Variants in KHDRBS2 observed in about 807,000 individuals in gnomAD.
KHDRBS2 encodes KH domain-containing, RNA-binding, signal transduction-associated protein 2.
In KHDRBS2, 26 loss-of-function variants were observed where a neutral mutation model predicts 44.3. The ratio of observed to expected loss-of-function variants is 0.59; its 90% CI spans 0.43 to 0.81. The LOEUF is 0.81. KHDRBS2 is among the 40% of genes least tolerant of loss of function. The probability of loss-of-function intolerance (pLI) is 0.00; values close to 1 mark genes in which losing one functional copy is unlikely to be tolerated. For missense variants in KHDRBS2, 476 were observed against 433.1 expected, an observed-to-expected ratio of 1.10 and a Z score of -0.88; for synonymous variants, 194 against 151.1, an observed-to-expected ratio of 1.28 and a Z score of -2.08.
At chr6:62,262,266 G>A (rs1838472522) in intron 1 of KHDRBS2, among the ~76,000 whole-genome samples, 1 of 151,716 alleles carries the variant, frequency 6.6e-6, no homozygotes, top group African/African-American at 2.4e-5. Flanking sequence ...GGATAACTCT[G>A]GAAATACAAC....
intron 2 of KHDRBS2, among the ~76,000 whole-genome samples, chr6:62,069,238 T>C (rs1441947076): frequency 6.6e-6 from 1 of 151,702 alleles, no homozygotes; most frequent in Admixed American, 6.6e-5. Flanking sequence ...ACTTTGTATA[T>C]CATATGTGTT....
intron 2 of KHDRBS2, among the ~76,000 whole-genome samples, chr6:62,054,975 T>A (rs1319197761): frequency 6.6e-6 from 1 of 152,048 alleles, no homozygotes; most frequent in Non-Finnish European, 1.5e-5. Context: ...AATTAATTCC[T>A]ACATCATAAC....
rs1252519903 is a variant in KHDRBS2, at chr6:62,059,026, T to TATAA, written c.220-11036_220-11033dup. 3.3e-5 allele frequency among the ~76,000 whole-genome samples: 5 copies of TATAA among 151,570 alleles called. No homozygotes were observed. The East Asian group carries it at 9.8e-4, about 30-fold the overall frequency. ...TTAGGAAACATATGAAAGAACCAAA[T>TATAA]ATAAATACCTCTTTCAGAAAACTTA... On this transcript the variant is annotated intron_variant, in intron 2 of 8. Transcript: ENST00000281156.
intron 1 of KHDRBS2, among the ~76,000 whole-genome samples, chr6:62,276,703 T>C (rs1391097538): frequency 6.6e-6 from 1 of 152,192 alleles, no homozygotes; most frequent in Non-Finnish European, 1.5e-5. Context: ...TAATAATTCA[T>C]CCAATATTTG....
chr6:62,165,153 T>G (rs1410496504), intron 2 of KHDRBS2, among the ~76,000 whole-genome samples: 1 of 151,748 alleles, frequency 6.6e-6, no homozygotes, highest in Non-Finnish European at 1.5e-5. Context: ...CATTTACTTA[T>G]GGCTTCAGTC....
the KHDRBS2 span, among the ~76,000 whole-genome samples, chr6:61,662,765 G>A: frequency 6.6e-5 from 10 of 151,496 alleles, no homozygotes; most frequent in African/African-American, 2.4e-4. Flanking sequence ...TGCTGGAGAG[G>A]ATGTGGAGAA....
chr6:62,165,283 G>A (rs905471438), intron 2 of KHDRBS2, among the ~76,000 whole-genome samples: 5 of 143,514 alleles, frequency 3.5e-5, no homozygotes, highest in Admixed American at 1.4e-4. Context: ...ATTCATTGGC[G>A]CTTAATTTTA....
At chr6:61,574,613 A>T in the KHDRBS2 span, among the ~76,000 whole-genome samples, 1 of 152,114 alleles carries the variant, frequency 6.6e-6, no homozygotes, top group Non-Finnish European at 1.5e-5. Context: ...TGACTAACGG[A>T]ACAAGTTACC....
intron 1 of KHDRBS2, among the ~76,000 whole-genome samples, chr6:62,209,135 A>C (rs1159189522): frequency 1.3e-5 from 2 of 152,212 alleles, no homozygotes; most frequent in African/African-American, 4.8e-5. Flanking sequence ...ATTTATAAAG[A>C]GCTCCAACAA....
chr6:62,141,164 C>T lies in KHDRBS2; in HGVS notation c.219+36021G>A, dbSNP rs1812719627. The stretch of plus-strand genomic sequence containing the variant: ...ATGAACGTCAGAATAAACTTGATGA[C>T]TAATGGCAGTGTAAAAGTGAAGATG... On this transcript the variant is annotated intron_variant, in intron 2 of 8. Transcript: ENST00000281156. Among the ~76,000 whole-genome samples, 4 of 152,156 alleles carry T rather than the reference C, an allele frequency of 2.6e-5. No homozygotes were observed. The South Asian group carries it at 8.3e-4, about 32-fold the overall frequency.
chr6:61,690,459 A>C (rs1767271423), intron 8 of KHDRBS2, among the ~76,000 whole-genome samples: 1 of 151,974 alleles, frequency 6.6e-6, no homozygotes, highest in Admixed American at 6.6e-5. Flanking sequence ...AAAATAAAAA[A>C]CACCTTTCCT....
the KHDRBS2 span, among the ~76,000 whole-genome samples, chr6:61,656,672 C>T: frequency 6.6e-6 from 1 of 151,932 alleles, no homozygotes; most frequent in African/African-American, 2.4e-5. Context: ...CTACTTCAAG[C>T]TACCAAAATG....
At chr6:61,831,109 T>C (rs1317713887) in intron 6 of KHDRBS2, among the ~76,000 whole-genome samples, 1 of 152,200 alleles carries the variant, frequency 6.6e-6, no homozygotes, top group African/African-American at 2.4e-5. Context: ...ATCAGTGCTT[T>C]TCTTCTTTTT....
At chr6:61,917,663 T>C (rs1375183717) in intron 4 of KHDRBS2, among the ~76,000 whole-genome samples, 2 of 151,942 alleles carry the variant, frequency 1.3e-5, no homozygotes, top group Non-Finnish European at 2.9e-5. Flanking sequence ...TGTGTCAATG[T>C]ATTTCACTGA....
intron 1 of KHDRBS2, among the ~76,000 whole-genome samples, chr6:62,228,175 C>T (rs959597140): frequency 1.3e-5 from 2 of 152,232 alleles, no homozygotes; most frequent in Middle Eastern, 3.4e-3. Context: ...GGTTGGTAGG[C>T]TATGAATTAC....
the KHDRBS2 span, among the ~76,000 whole-genome samples, chr6:61,637,190 C>G: frequency 6.6e-6 from 1 of 152,000 alleles, no homozygotes; most frequent in Non-Finnish European, 1.5e-5. Context: ...CCTGTCCCCC[C>G]ACCCCACAAC....
intron 6 of KHDRBS2, among the ~76,000 whole-genome samples, chr6:61,825,394 C>G (rs1194793487): frequency 6.6e-6 from 1 of 152,146 alleles, no homozygotes; most frequent in African/African-American, 2.4e-5. Flanking sequence ...AATTCTGCAT[C>G]TAATCATGCT....
intron 6 of KHDRBS2, among the ~76,000 whole-genome samples, chr6:61,793,379 T>C (rs1302877773): frequency 6.6e-6 from 1 of 152,054 alleles, no homozygotes; most frequent in Non-Finnish European, 1.5e-5. Context: ...ATAGGGTATA[T>C]GTGATATAAA....
At chr6:62,216,758 T>C (rs1275582469) in intron 1 of KHDRBS2, among the ~76,000 whole-genome samples, 1 of 149,684 alleles carries the variant, frequency 6.7e-6, no homozygotes, top group Non-Finnish European at 1.5e-5. Flanking sequence ...GAAGTACCAG[T>C]TTCAAGTAGA....
Sources: gnomAD v4.1 joint callset for allele counts (sites outside exome capture counted in the v4.1 genomes callset) on GRCh38, gnomAD v4.1.1 for gene constraint, MANE v1.5 for transcripts, NCBI Gene and HGNC (gene_info 2026-07-23, HGNC 2026-07-21) for gene names.